The following CSMD3 variants were observed in gnomAD, a reference collection of about 807,000 sequenced individuals.
CSMD3 encodes the protein CUB and Sushi multiple domains 3.
Under a neutral mutation model 435.2 loss-of-function variants are expected in CSMD3, and 177 were observed. That is an observed-to-expected ratio of 0.41 (90% confidence interval 0.36 to 0.46). The LOEUF is 0.46. CSMD3 is among the 20% of genes least tolerant of loss of function. CSMD3 has a pLI of 0.34. For missense variants in CSMD3, 4,265 were observed against 4,504.6 expected (o/e 0.95, Z 1.52); for synonymous variants, 1,656 against 1,520.5 (o/e 1.09, Z -2.07).
chr8:112,666,132 A>AGG (rs2075518470), intron 17 of CSMD3, 145 bp downstream of exon 17: 1 of 704,472 alleles, frequency 1.4e-6, no homozygotes, highest in South Asian at 1.7e-5. Context: ...AAAGGTTAAA[A>AGG]GGGGGCAAAC....
At chr8:112,587,613 A>C (rs951401078) in intron 22 of CSMD3, among the ~76,000 whole-genome samples, 3 of 151,918 alleles carry the variant, frequency 2.0e-5, no homozygotes, top group Non-Finnish European at 2.9e-5. Context: ...AGGGTTTTGA[A>C]TAATTCTAAC....
intron 1 of CSMD3, among the ~76,000 whole-genome samples, chr8:113,409,052 A>G (rs1352410718): frequency 6.7e-6 from 1 of 149,316 alleles, no homozygotes; most frequent in Non-Finnish European, 1.5e-5. Context: ...CATTCCCACA[A>G]TAAGACTTTT....
At chr8:113,374,942 G>T (rs762957187) in intron 1 of CSMD3, among the ~76,000 whole-genome samples, 4 of 150,468 alleles carry the variant, frequency 2.7e-5, no homozygotes, top group Non-Finnish European at 5.9e-5. Context: ...ACTTATCATT[G>T]TAAGTGTTTG....
At chr8:113,310,608 T>C (rs895641385) in intron 2 of CSMD3, 11 of 151,810 alleles carry the variant, frequency 7.2e-5, no homozygotes, top group African/African-American at 2.7e-4. Flanking sequence ...AAATCAGATA[T>C]ATGTAAATAA....
chr8:113,177,983 T>C (rs1246129952), intron 3 of CSMD3, among the ~76,000 whole-genome samples: 5 of 152,066 alleles, frequency 3.3e-5, no homozygotes, highest in African/African-American at 9.6e-5. Context: ...TCTTCTCTAT[T>C]AGTTGAAAGA....
At position 112,352,459 on chromosome 8, in the gene CSMD3, C is replaced by A; in HGVS notation, c.6212G>T (p.Gly2071Val). ...ATCACACTGAAAGGATACTACATCTCCAACCATATATCTGTCTCCAATTTT... is the reference window on the plus strand; with the variant it reads ...ATCACACTGAAAGGATACTACATCTACAACCATATATCTGTCTCCAATTTT... ...GIKIGDRYMV[G>V]DVVSFQCDQG... The change falls in exon 39 of 71, where the codon GGA (glycine) becomes GTA (valine). Residue 2071 changes from glycine to valine, a missense_variant. By Grantham distance (109) the Gly-to-Val change is moderately radical. Transcript: ENST00000297405. The A allele has an allele frequency of 2.5e-6, 4 of 1,613,668 alleles. No individual in the cohort carries two copies. Among genetic ancestry groups the A allele is most frequent in the Non-Finnish European group, 3.4e-6 (4 of 1,179,782 alleles).
At chr8:112,809,421 T>A (rs1324756307) in intron 12 of CSMD3, among the ~76,000 whole-genome samples, 1 of 152,192 alleles carries the variant, frequency 6.6e-6, no homozygotes, top group African/African-American at 2.4e-5. Context: ...TTGACAATAG[T>A]TCCTACAAAG....
chr8:112,598,747 T>C (rs13248071), intron 22 of CSMD3, among the ~76,000 whole-genome samples: 1 of 148,764 alleles, frequency 6.7e-6, no homozygotes, highest in African/African-American at 2.5e-5. Flanking sequence ...TTGACAAACC[T>C]GAGAAAAACA....
chr8:112,603,478 A>G (rs1832539716), intron 22 of CSMD3, among the ~76,000 whole-genome samples: 2 of 152,196 alleles, frequency 1.3e-5, no homozygotes. Context: ...CTAGTACAGT[A>G]TGTACTGTAG....
chr8:112,259,004 A>G (rs1816107660), intron 61 of CSMD3, among the ~76,000 whole-genome samples: 1 of 151,928 alleles, frequency 6.6e-6, no homozygotes, highest in African/African-American at 2.4e-5. Context: ...GTGCCACTGC[A>G]CTCCAGCCTG....
intron 1 of CSMD3, among the ~76,000 whole-genome samples, chr8:113,405,635 G>A (rs2094529217): frequency 6.6e-6 from 1 of 151,678 alleles, no homozygotes; most frequent in African/African-American, 2.4e-5. Flanking sequence ...AATTTCAAGA[G>A]TGAAGTGAAA....
rs540879337 is a variant in CSMD3 at position 112,535,609 on chromosome 8, T to C, written c.4564+15062A>G. 3.3e-3 allele frequency among the ~76,000 whole-genome samples: 498 copies of C among 152,088 alleles called. 4 individuals are homozygous for C. The highest frequency in any genetic ancestry group is 0.012 in the African/African-American group (478 of 41,486). ...TGGCCATAGTGCCCAAGGTAATTTA[T>C]AGATTCAATGCCATCCCCATCAAGC... On this transcript the variant is annotated intron_variant, in intron 27 of 70. Coordinates refer to ENST00000297405, the MANE Select transcript of CSMD3 (RefSeq NM_198123.2).
chr8:113,217,811 C>G (rs2092922781), intron 3 of CSMD3, among the ~76,000 whole-genome samples: 1 of 150,162 alleles, frequency 6.7e-6, no homozygotes, highest in South Asian at 2.1e-4. Flanking sequence ...ATATGATGGC[C>G]CAAATACTAC....
intron 9 of CSMD3, among the ~76,000 whole-genome samples, chr8:112,929,376 AT>A (rs1207699012): frequency 1.5e-5 from 1 of 67,396 alleles, no homozygotes; most frequent in East Asian, 1.0e-3. Context: ...TTAAAGCATA[AT>A]AAAAAAAAAA....
intron 5 of CSMD3, among the ~76,000 whole-genome samples, chr8:113,076,038 G>A (rs1487818923): frequency 6.6e-6 from 1 of 151,546 alleles, no homozygotes; most frequent in East Asian, 1.9e-4. Flanking sequence ...TTCACTAAAA[G>A]TTATCTTTGA....
In CSMD3 at chr8:112,395,157, C is replaced by T. The variant is rs570312125; in HGVS notation, c.5810-4369G>A. ...TTTTTAAAAGATATATGATAAATTT[C>T]TGTTCTGATCAGTATTCAATATAAT... On this transcript the variant is annotated intron_variant, in intron 35 of 70. Transcript: ENST00000297405. 2.0e-5 allele frequency among the ~76,000 whole-genome samples: 3 copies of T among 152,226 alleles called. No individual in the cohort carries two copies. The South Asian group carries it at 6.2e-4, about 32-fold the overall frequency.
At chr8:112,850,276 T>C (rs1427760143) in intron 11 of CSMD3, among the ~76,000 whole-genome samples, 2 of 152,196 alleles carry the variant, frequency 1.3e-5, no homozygotes, top group African/African-American at 2.4e-5. Flanking sequence ...AAATGCTTAA[T>C]AATTGGCTCT....
intron 18 of CSMD3, among the ~76,000 whole-genome samples, 154 bp from the exon 19 acceptor site, chr8:112,650,503 T>C (rs1459199328): frequency 6.6e-6 from 1 of 152,200 alleles, no homozygotes; most frequent in Non-Finnish European, 1.5e-5. Flanking sequence ...ATTTAATAAA[T>C]TTGTTTTCTC....
chr8:112,900,971 A>C (rs2082096003), intron 10 of CSMD3, among the ~76,000 whole-genome samples: 1 of 151,306 alleles, frequency 6.6e-6, no homozygotes, highest in African/African-American at 2.4e-5. Context: ...ACTTCTCAAC[A>C]GTCTGGCAGT....
Sources: allele counts gnomAD v4.1 joint callset (sites outside exome capture counted in the v4.1 genomes callset), GRCh38; gene constraint gnomAD v4.1.1; transcripts MANE v1.5; gene names NCBI Gene and HGNC (gene_info 2026-07-23, HGNC 2026-07-21).